Variants in SLC9A9 observed in about 807,000 individuals in gnomAD.
The protein encoded by SLC9A9 is solute carrier family 9 member A9.
A neutral mutation model predicts 77.8 loss-of-function variants in SLC9A9; 62 were observed. The ratio of observed to expected loss-of-function variants is 0.80; its 90% CI spans 0.65 to 0.98. SLC9A9 has a LOEUF of 0.98. Ranked by LOEUF, SLC9A9 falls within the 50% of genes least tolerant of loss-of-function variation. The pLI is 0.00. For synonymous variants in SLC9A9, 320 were observed against 283.5 expected (o/e 1.13, Z -1.29); for missense variants, 775 against 774.9 (o/e 1.00, Z 0.00).
rs2009875115 is a variant in SLC9A9, at chr3:143,848,339, GA to G, written c.-18del. ...TCTCTCCATTCCCCAGTCTTCTTGG[GA>G]TTCCTTAGATAAAAACCTGGATAAA... On this transcript the variant is annotated 5_prime_UTR_variant, in exon 1 of 16. Coordinates refer to ENST00000316549, the MANE Select transcript of SLC9A9 (RefSeq NM_173653.4). The G allele has an allele frequency of 1.2e-6, 2 of 1,613,780 alleles. No homozygotes were observed. The highest frequency in any genetic ancestry group is 1.7e-6 in the Non-Finnish European group (2 of 1,179,780).
At chr3:143,586,093 C>G (rs1219349915) in intron 6 of SLC9A9, among the ~76,000 whole-genome samples, 1 of 152,218 alleles carries the variant, frequency 6.6e-6, no homozygotes, top group Non-Finnish European at 1.5e-5. Flanking sequence ...CTGCACTCTC[C>G]CCAGGGATAA....
chr3:143,341,312 G>A (rs1559874783), intron 14 of SLC9A9, among the ~76,000 whole-genome samples: 1 of 152,016 alleles, frequency 6.6e-6, no homozygotes, highest in Non-Finnish European at 1.5e-5. Context: ...GTCGGTTTGG[G>A]AGCCTCCAAT....
At chr3:143,541,171 T>C (rs1402183726) in intron 9 of SLC9A9, among the ~76,000 whole-genome samples, 1 of 152,154 alleles carries the variant, frequency 6.6e-6, no homozygotes, top group Non-Finnish European at 1.5e-5. Context: ...ATGGCAGAAA[T>C]GACAGTAAAC....
At chr3:143,809,395 A>C (rs1345607991) in intron 2 of SLC9A9, among the ~76,000 whole-genome samples, 1 of 152,244 alleles carries the variant, frequency 6.6e-6, no homozygotes, top group South Asian at 2.1e-4. Context: ...TGTGTATACA[A>C]AACAGATTTG....
chr3:143,756,605 G>C (rs1291943632), intron 4 of SLC9A9, among the ~76,000 whole-genome samples: 1 of 152,252 alleles, frequency 6.6e-6, no homozygotes, highest in East Asian at 1.9e-4. Flanking sequence ...TGAATCCAGG[G>C]CACTCTGGAG....
chr3:143,388,692 C>A (rs11925776), intron 12 of SLC9A9, among the ~76,000 whole-genome samples: 3,469 of 152,194 alleles, frequency 0.023, 149 homozygotes, highest in African/African-American at 0.079. Flanking sequence ...AGGTTAAAGA[C>A]AAGAGCGGCT....
intron 8 of SLC9A9, among the ~76,000 whole-genome samples, chr3:143,569,814 CTTTTT>C (rs530202918): frequency 2.2e-5 from 3 of 133,388 alleles, no homozygotes; most frequent in Non-Finnish European, 3.2e-5. Flanking sequence ...TTGTTTTTTT[CTTTTT>C]TTTTTTTTTT....
chr3:143,341,341 T>A (rs913213766), intron 14 of SLC9A9, among the ~76,000 whole-genome samples: 3 of 152,140 alleles, frequency 2.0e-5, no homozygotes, highest in African/African-American at 7.2e-5. Flanking sequence ...ATTTGGGAAC[T>A]CCAGAGTAGG....
At chr3:143,600,241 C>G (rs1008448532) in intron 6 of SLC9A9, among the ~76,000 whole-genome samples, 2 of 152,122 alleles carry the variant, frequency 1.3e-5, no homozygotes, top group Non-Finnish European at 2.9e-5. Context: ...CATGTGTTCT[C>G]TTTGTTCAAC....
chr3:143,611,449 C>T (rs537120467), intron 6 of SLC9A9, among the ~76,000 whole-genome samples: 7 of 152,074 alleles, frequency 4.6e-5, no homozygotes, highest in South Asian at 2.1e-4. Flanking sequence ...TGAGTAGAAA[C>T]GAGCATTATA....
At chr3:143,458,385 A>C (rs1576511720) in intron 12 of SLC9A9, among the ~76,000 whole-genome samples, 1 of 152,026 alleles carries the variant, frequency 6.6e-6, no homozygotes. Flanking sequence ...TGCCTTGACA[A>C]TCTCTTTTAA....
chr3:143,837,101 G>T (rs1053310298), intron 1 of SLC9A9, among the ~76,000 whole-genome samples: 1 of 152,184 alleles, frequency 6.6e-6, no homozygotes. Context: ...AAATAAAGCA[G>T]ATTTCAGAAT....
chr3:143,299,977 A>T (rs1004528141), intron 14 of SLC9A9, among the ~76,000 whole-genome samples: 1 of 152,222 alleles, frequency 6.6e-6, no homozygotes, highest in African/African-American at 2.4e-5. Context: ...GAAAAAGCAT[A>T]ATTTAGAGCA....
At chr3:143,452,391 T>G (rs1393030363) in intron 12 of SLC9A9, among the ~76,000 whole-genome samples, 1 of 151,442 alleles carries the variant, frequency 6.6e-6, no homozygotes, top group Non-Finnish European at 1.5e-5. Context: ...AAGAATACAT[T>G]AATTGTTGCT....
At chr3:143,793,527 C>T (rs2008281514) in intron 4 of SLC9A9, among the ~76,000 whole-genome samples, 1 of 152,124 alleles carries the variant, frequency 6.6e-6, no homozygotes, top group Non-Finnish European at 1.5e-5. Context: ...TACTACTAAC[C>T]AAGGAACATT....
intron 5 of SLC9A9, among the ~76,000 whole-genome samples, chr3:143,686,625 C>T (rs1933274767): frequency 2.0e-5 from 3 of 152,178 alleles, no homozygotes; most frequent in Non-Finnish European, 2.9e-5. Flanking sequence ...TCTTTACACA[C>T]CTTAAGGACT....
intron 4 of SLC9A9, among the ~76,000 whole-genome samples, chr3:143,778,919 A>T (rs1273447807): frequency 6.6e-6 from 1 of 152,202 alleles, no homozygotes; most frequent in Admixed American, 6.5e-5. Context: ...AATTTTCTCT[A>T]GAGATTACCC....
chr3:143,516,783 G>A (rs2036209584), intron 9 of SLC9A9, among the ~76,000 whole-genome samples: 1 of 152,078 alleles, frequency 6.6e-6, no homozygotes, highest in African/African-American at 2.4e-5. Context: ...TATGCTGAGA[G>A]TAAATTTGCT....
At chr3:143,656,339 C>T (rs1312644077) in intron 5 of SLC9A9, among the ~76,000 whole-genome samples, 1 of 152,050 alleles carries the variant, frequency 6.6e-6, no homozygotes, top group African/African-American at 2.4e-5. Context: ...AATCCTTTTT[C>T]ATCTCAAAGA....
Sources: gnomAD v4.1 joint callset for allele counts (sites outside exome capture counted in the v4.1 genomes callset) on GRCh38, gnomAD v4.1.1 for gene constraint, MANE v1.5 for transcripts, NCBI Gene and HGNC (gene_info 2026-07-23, HGNC 2026-07-21) for gene names.